PCDHA6: variants seen among roughly 807,000 people sequenced by gnomAD.
The protein encoded by PCDHA6 is protocadherin alpha-6.
A neutral mutation model predicts 60.3 loss-of-function variants in PCDHA6; 55 were observed. The ratio of observed to expected loss-of-function variants is 0.91; its 90% CI spans 0.73 to 1.14. PCDHA6 has a LOEUF of 1.14. Among genes scored for constraint, PCDHA6 ranks in the 50% most tolerant of loss-of-function variants. The probability of loss-of-function intolerance (pLI) is 0.00; values close to 1 mark genes in which losing one functional copy is unlikely to be tolerated. For missense variants in PCDHA6, 1,327 were observed against 1,256.5 expected (o/e 1.06, Z -0.85); for synonymous variants, 652 against 557.9 (o/e 1.17, Z -2.38).
intron 3 of PCDHA6, among the ~76,000 whole-genome samples, chr5:140,985,666 A>G (rs547448150): frequency 1.3e-5 from 2 of 151,942 alleles, no homozygotes; most frequent in South Asian, 4.2e-4. Flanking sequence ...GAATAAAGGA[A>G]GTGGGGCCTG....
rs1554262759 is a variant in PCDHA6 at position 141,010,215 on chromosome 5, G to A, written c.*278G>A. ...CCTTTCTCCTCCGCCGCAAAGGAGA[G>A]GCTTCCCAGCCCCGCCAGTGAGAGG... On this transcript the variant is annotated 3_prime_UTR_variant, in exon 4 of 4. Transcript: ENST00000529310. The A allele has an allele frequency of 6.4e-7, 1 of 1,551,774 alleles. No homozygotes were observed. Among genetic ancestry groups the A allele is most frequent in the East Asian group, 2.4e-5 (1 of 40,918 alleles).
chr5:140,972,391 C>T (rs1554234093), intron 1 of PCDHA6, among the ~76,000 whole-genome samples: 3 of 151,490 alleles, frequency 2.0e-5, no homozygotes, highest in African/African-American at 7.3e-5. Flanking sequence ...TGTTTATTTG[C>T]TTCACTATTG....
At chr5:140,996,929 C>T (rs1437008519) in intron 3 of PCDHA6, among the ~76,000 whole-genome samples, 2 of 152,070 alleles carry the variant, frequency 1.3e-5, no homozygotes, top group African/African-American at 2.4e-5. Flanking sequence ...AAAAATATAG[C>T]ATTTTTGCAT....
intron 1 of PCDHA6, chr5:140,930,529 C>T (rs1175564392): frequency 6.6e-6 from 1 of 152,500 alleles, no homozygotes; most frequent in African/African-American, 2.4e-5. Flanking sequence ...GGCCCTCAAA[C>T]TTCTTGAGTG....
chr5:140,880,417 G>A (rs1202890717), intron 1 of PCDHA6, among the ~76,000 whole-genome samples: 15 of 152,250 alleles, frequency 9.9e-5, no homozygotes, highest in South Asian at 2.1e-4. Context: ...CCTTAAAAGC[G>A]GGAACAGTTT....
rs1482950920 is a variant in PCDHA6 at position 140,867,382 on chromosome 5, CG to C, written c.2394+36899del. On this transcript the variant is annotated intron_variant, in intron 1 of 3. Coordinates refer to ENST00000529310, the MANE Select transcript of PCDHA6 (RefSeq NM_018909.4). ...TTTTACAGATGCGTAATGGAATTAA[CG>C]GTTATAAAAGTTGATATGTCTCCTT... 4 of 152,124 alleles carry C rather than the reference CG, an allele frequency of 2.6e-5. No individual in the cohort carries two copies. In the East Asian group the frequency reaches 7.7e-4, roughly 29 times the overall value. 9.4% of individuals were successfully genotyped at this position (152,124 alleles called of 1,614,324 possible).
In PCDHA6 at chr5:140,830,074, G is replaced by A. The variant is rs2150180698; in HGVS notation, c.1983G>A (p.Ala661=). ...ACCACGGTGAGCCGGCGCTGACAGC[G>A]ACGGCCACGGTTCTGGTGTCGCTGG... is the stretch of plus-strand genomic sequence containing the variant. ...VKDHGEPALT[A]TATVLVSLVE... The change falls in exon 1 of 4, where the codon GCG becomes GCA. Residue 661 remains alanine, a synonymous_variant. Transcript: ENST00000529310. 2.9e-5 allele frequency: 47 copies of A among 1,613,584 alleles called. No homozygotes were observed. The highest frequency in any genetic ancestry group is 4.5e-5 in the East Asian group (2 of 44,876).
intron 1 of PCDHA6, among the ~76,000 whole-genome samples, chr5:140,834,064 G>T (rs1347200172): frequency 4.6e-5 from 7 of 152,160 alleles, no homozygotes; most frequent in African/African-American, 1.4e-4. Flanking sequence ...ACAATCATGA[G>T]AAATGCTATT....
chr5:140,995,529 C>G (rs1191657600), intron 3 of PCDHA6, among the ~76,000 whole-genome samples: 1 of 152,078 alleles, frequency 6.6e-6, no homozygotes, highest in East Asian at 1.9e-4. Flanking sequence ...GAAATCAAAC[C>G]TCAAATAAGG....
At chr5:140,875,616 C>A (rs2055654644) in intron 1 of PCDHA6, 2 of 1,613,748 alleles carry the variant, frequency 1.2e-6, no homozygotes, top group Admixed American at 1.7e-5. Context: ...TGGGCCGCAT[C>A]GCTCAGGACC....
intron 1 of PCDHA6, among the ~76,000 whole-genome samples, chr5:140,846,908 T>C (rs991688618): frequency 6.7e-6 from 1 of 149,590 alleles, no homozygotes; most frequent in Admixed American, 6.7e-5. Flanking sequence ...TGAAAGACAA[T>C]CATTTCCTAT....
chr5:141,003,240 C>T (rs1563674729), intron 3 of PCDHA6, among the ~76,000 whole-genome samples: 2 of 152,150 alleles, frequency 1.3e-5, no homozygotes, highest in South Asian at 4.1e-4. Context: ...GAAATTTTGC[C>T]AAAAAGATTC....
intron 1 of PCDHA6, among the ~76,000 whole-genome samples, chr5:140,875,128 C>A (rs1554167491): frequency 6.6e-6 from 1 of 152,068 alleles, no homozygotes; most frequent in East Asian, 1.9e-4. Context: ...ATTAACTAAA[C>A]CCGCATTTAT....
intron 1 of PCDHA6, chr5:140,876,486 G>T (rs2153341413): frequency 6.2e-7 from 1 of 1,614,014 alleles, no homozygotes; most frequent in Non-Finnish European, 8.5e-7. Context: ...TGGTCCTGGT[G>T]GAAGTTCTGG....
chr5:140,941,862 T>G (rs1007783083), intron 1 of PCDHA6, among the ~76,000 whole-genome samples: 33 of 152,238 alleles, frequency 2.2e-4, no homozygotes, highest in African/African-American at 7.7e-4. Context: ...TTCCCTATCA[T>G]AGAGTTCTAT....
intron 1 of PCDHA6, among the ~76,000 whole-genome samples, chr5:140,912,509 T>A (rs1473163707): frequency 6.6e-6 from 1 of 152,170 alleles, no homozygotes; most frequent in Non-Finnish European, 1.5e-5. Flanking sequence ...TTTGGATGAA[T>A]CTTTAGGGTT....
chr5:140,972,072 T>C (rs1380413898), intron 1 of PCDHA6, among the ~76,000 whole-genome samples: 1 of 152,212 alleles, frequency 6.6e-6, no homozygotes, highest in Non-Finnish European at 1.5e-5. Flanking sequence ...ATTAACTGCT[T>C]TTGGAAAAAG....
At chr5:140,846,369 C>CTTTTTTTTTTTTTTTTTT (rs797033964) in intron 1 of PCDHA6, among the ~76,000 whole-genome samples, 2 of 102,192 alleles carry the variant, frequency 2.0e-5, no homozygotes, top group South Asian at 3.3e-4. Flanking sequence ...TCTTTTCTTT[C>CTTTTTTTTTTTTTTTTTT]TTTCTTTTTT....
At chr5:140,977,055 A>G (rs1220462981) in intron 1 of PCDHA6, among the ~76,000 whole-genome samples, 1 of 152,234 alleles carries the variant, frequency 6.6e-6, no homozygotes, top group Non-Finnish European at 1.5e-5. Context: ...CTGATGGACT[A>G]GTATAGAAAA....
Sources: allele counts gnomAD v4.1 joint callset (sites outside exome capture counted in the v4.1 genomes callset), GRCh38; gene constraint gnomAD v4.1.1; transcripts MANE v1.5; gene names NCBI Gene and HGNC (gene_info 2026-07-23, HGNC 2026-07-21).